The following ESR1 variants were observed in gnomAD, a reference collection of about 807,000 sequenced individuals.
The protein encoded by ESR1 is estrogen receptor.
A neutral mutation model predicts 52.7 loss-of-function variants in ESR1; 12 were observed. The ratio of observed to expected loss-of-function variants is 0.23; its 90% CI spans 0.15 to 0.37. ESR1 has a LOEUF of 0.37. Ranked by LOEUF, ESR1 falls within the 10% of genes least tolerant of loss-of-function variation. The pLI, the probability that ESR1 is intolerant of heterozygous loss-of-function variation, is 1.00. For missense variants in ESR1, 584 were observed against 779.7 expected, an observed-to-expected ratio of 0.75 and a Z score of 2.99; for synonymous variants, 305 against 316.8, an observed-to-expected ratio of 0.96 and a Z score of 0.39.
intron 1 of ESR1, among the ~76,000 whole-genome samples, chr6:151,829,884 C>G (rs1034039902): frequency 6.6e-6 from 1 of 152,186 alleles, no homozygotes; most frequent in African/African-American, 2.4e-5. Context: ...CATCACAATA[C>G]TCTGCTCCTC....
intron 4 of ESR1, among the ~76,000 whole-genome samples, chr6:152,005,626 G>A (rs981603427): frequency 6.6e-6 from 1 of 151,976 alleles, no homozygotes; most frequent in Non-Finnish European, 1.5e-5. Flanking sequence ...TGGCTTTCTG[G>A]GACATCTGCT....
chr6:151,656,687 C>A (rs552618891), upstream of ESR1: 1 of 152,126 alleles, frequency 6.6e-6, no homozygotes, highest in South Asian at 2.1e-4. Flanking sequence ...GAGAAATAAT[C>A]GCAGAGCCTC....
intron 2 of ESR1, among the ~76,000 whole-genome samples, chr6:151,880,017 C>G (rs1006254475): frequency 1.6e-4 from 25 of 152,066 alleles, no homozygotes; most frequent in Non-Finnish European, 1.0e-4. Context: ...AAAACCAAAC[C>G]AAACCAAACC....
intron 7 of ESR1, among the ~76,000 whole-genome samples, chr6:152,095,033 AC>A (rs2050499102): frequency 6.6e-6 from 1 of 151,528 alleles, no homozygotes; most frequent in African/African-American, 2.4e-5. Context: ...CCTTCTTGTC[AC>A]CCCCATTGCC....
intron 5 of ESR1, among the ~76,000 whole-genome samples, chr6:152,046,378 A>G (rs1004815750): frequency 2.0e-5 from 3 of 152,258 alleles, no homozygotes; most frequent in African/African-American, 7.2e-5. Flanking sequence ...ATTGCTGCAC[A>G]GTGCCAAATC....
At chr6:151,749,745 G>A (rs1783760570) in intron 2 of ESR1, among the ~76,000 whole-genome samples, 1 of 152,164 alleles carries the variant, frequency 6.6e-6, no homozygotes, top group Non-Finnish European at 1.5e-5. Context: ...CAGTCTGGGA[G>A]GCTGGTAGAG....
At chr6:152,040,396 C>G (rs1344262547) in intron 5 of ESR1, among the ~76,000 whole-genome samples, 3 of 152,212 alleles carry the variant, frequency 2.0e-5, no homozygotes, top group Admixed American at 6.5e-5. Context: ...CTGAGGTCAT[C>G]TTTTGGTGAG....
intron 5 of ESR1, among the ~76,000 whole-genome samples, chr6:152,039,867 G>A (rs2982723): frequency 0.44 from 66,835 of 152,058 alleles, 16,641 homozygotes; most frequent in African/African-American, 0.67. Context: ...TGAATTCCAT[G>A]AGCATGAGCC....
Position 152,051,548 on chromosome 6 carries a change from C to A in ESR1, c.1236-9443C>A, listed in dbSNP as rs893154009. Among the ~76,000 whole-genome samples the A allele has an allele frequency of 2.6e-5, 4 of 152,236 alleles. No homozygotes were observed. In the East Asian group the frequency reaches 7.7e-4, roughly 29 times the overall value. On this transcript the variant is annotated intron_variant, in intron 5 of 7. Transcript: ENST00000206249. ...TACCTCCCCCTGCTTCTCTGTATGT[C>A]TTTTGCAGGCTCATCTTTCTCTTAG...
chr6:152,114,156 A>T lies in ESR1; in HGVS notation c.851-11110A>T, dbSNP rs147728251. On this transcript the variant is annotated intron_variant, in intron 6 of 6. Coordinates refer to the ESR1 transcript ENST00000427531. Reference sequence around the variant, plus strand: ...AGCTGTTGAATGGGAACAGATTTCAACGCAGAAGGAAAGCAGGCTGACTCT... The same window carrying T: ...AGCTGTTGAATGGGAACAGATTTCATCGCAGAAGGAAAGCAGGCTGACTCT... Among the ~76,000 whole-genome samples the T allele has an allele frequency of 9.7e-4, 148 of 152,308 alleles. 2 individuals are homozygous for T. The highest frequency in any genetic ancestry group is 3.3e-3 in the African/African-American group (139 of 41,570).
chr6:152,003,138 G>C (rs773654163), intron 4 of ESR1, among the ~76,000 whole-genome samples: 1 of 151,812 alleles, frequency 6.6e-6, no homozygotes, highest in Non-Finnish European at 1.5e-5. Flanking sequence ...TAACAAGGTA[G>C]GATTGCCATC....
intron 4 of ESR1, among the ~76,000 whole-genome samples, chr6:152,006,724 G>C (rs2042360823): frequency 6.6e-6 from 1 of 151,802 alleles, no homozygotes; most frequent in Non-Finnish European, 1.5e-5. Flanking sequence ...TGAGTGAAAA[G>C]CCAATACAGA....
chr6:152,104,010 T>A (rs1468015958), downstream of ESR1, among the ~76,000 whole-genome samples: 2 of 116,442 alleles, frequency 1.7e-5, no homozygotes, highest in African/African-American at 3.5e-5. Flanking sequence ...TTGCATCACC[T>A]TGGGCAAGTT....
intron 6 of ESR1, among the ~76,000 whole-genome samples, chr6:152,108,648 T>C (rs752723290): frequency 2.4e-4 from 36 of 152,044 alleles, no homozygotes; most frequent in Non-Finnish European, 4.6e-4. Flanking sequence ...ATCAGCAAGG[T>C]TTTGAGAGAA....
chr6:151,899,685 C>T (rs546958548), intron 3 of ESR1, among the ~76,000 whole-genome samples: 27 of 150,368 alleles, frequency 1.8e-4, no homozygotes, highest in African/African-American at 4.9e-4. Flanking sequence ...TCAGACAGGG[C>T]GGTTGCCAGG....
At chr6:152,050,588 T>C (rs2046604299) in intron 5 of ESR1, among the ~76,000 whole-genome samples, 1 of 152,192 alleles carries the variant, frequency 6.6e-6, no homozygotes, top group Non-Finnish European at 1.5e-5. Flanking sequence ...GACCCATAGC[T>C]TACAACAGTT....
chr6:152,110,212 T>G (rs1216074660), intron 6 of ESR1, among the ~76,000 whole-genome samples: 1 of 152,198 alleles, frequency 6.6e-6, no homozygotes, highest in Non-Finnish European at 1.5e-5. Flanking sequence ...TCCTAGGAAT[T>G]ACTGAGAGTT....
At chr6:151,882,554 A>C (rs1167715774) in intron 3 of ESR1, among the ~76,000 whole-genome samples, 1 of 152,240 alleles carries the variant, frequency 6.6e-6, no homozygotes, top group African/African-American at 2.4e-5. Context: ...AGTGACAGGA[A>C]TATAACAGCT....
intron 4 of ESR1, among the ~76,000 whole-genome samples, chr6:151,991,729 T>C (rs1300553224): frequency 6.6e-6 from 1 of 152,116 alleles, no homozygotes; most frequent in Non-Finnish European, 1.5e-5. Context: ...AGCTTAGAAG[T>C]ACTTCTGCTT....
Sources: gnomAD v4.1 joint callset for allele counts (sites outside exome capture counted in the v4.1 genomes callset) on GRCh38, gnomAD v4.1.1 for gene constraint, MANE v1.5 for transcripts, NCBI Gene and HGNC (gene_info 2026-07-23, HGNC 2026-07-21) for gene names.